Variants in NEBL observed in about 807,000 individuals in gnomAD.
The protein encoded by NEBL is LIM and SH3 protein 2.
Under a neutral mutation model 140.2 loss-of-function variants are expected in NEBL, and 122 were observed. The ratio of observed to expected loss-of-function variants is 0.87; its 90% CI spans 0.75 to 1.01. NEBL has a LOEUF of 1.01. NEBL is among the 50% of genes least tolerant of loss of function. NEBL has a pLI of 0.00. For missense variants in NEBL, 1,365 were observed against 1,231.3 expected, an observed-to-expected ratio of 1.11 and a Z score of -1.62; for synonymous variants, 436 against 398.9, an observed-to-expected ratio of 1.09 and a Z score of -1.11.
intron 3 of NEBL, among the ~76,000 whole-genome samples, chr10:21,007,206 C>T (rs955723198): frequency 6.6e-6 from 1 of 152,088 alleles, no homozygotes; most frequent in African/African-American, 2.4e-5. Context: ...CTCCATTCAC[C>T]CTCTCTCCCC....
chr10:20,802,016 T>C lies in NEBL; in HGVS notation c.2761+6494A>G, dbSNP rs140651137. On this transcript the variant is annotated intron_variant, in intron 26 of 27. Coordinates refer to ENST00000377122, the MANE Select transcript of NEBL (RefSeq NM_006393.3). The stretch of plus-strand genomic sequence containing the variant: ...TTTTGAAAAGTGCATCTGTTTTTCA[T>C]TCCCCATCACACTCCCATATCCTTT... 7.3e-3 allele frequency among the ~76,000 whole-genome samples: 1,109 copies of C among 152,282 alleles called. 13 individuals are homozygous for C. The highest frequency in any genetic ancestry group is 0.025 in the African/African-American group (1,048 of 41,566).
At chr10:21,006,268 C>T (rs1838135477) in intron 3 of NEBL, among the ~76,000 whole-genome samples, 1 of 152,184 alleles carries the variant, frequency 6.6e-6, no homozygotes, top group African/African-American at 2.4e-5. Flanking sequence ...GCTTTCTATG[C>T]TGATAATTTT....
chr10:21,146,312 G>A (rs1221369390), intron 2 of NEBL: 9 of 1,587,420 alleles, frequency 5.7e-6, no homozygotes, highest in Admixed American at 1.7e-5. Context: ...CACCCATGCA[G>A]TATAAACCTG....
chr10:21,240,946 A>ACAC (rs61320302), intron 3 of NEBL, among the ~76,000 whole-genome samples: 2 of 150,362 alleles, frequency 1.3e-5, no homozygotes, highest in Non-Finnish European at 1.5e-5. Flanking sequence ...ACACACACAC[A>ACAC]AAACCAGTAT....
chr10:20,931,116 GAA>G lies in NEBL; in HGVS notation c.357+30554_357+30555del, dbSNP rs35544464. Among the ~76,000 whole-genome samples the G allele has an allele frequency of 6.7e-4, 101 of 150,530 alleles. 1 individual carries two copies. The highest frequency in any genetic ancestry group is 1.1e-3 in the Non-Finnish European group (76 of 67,576). On this transcript the variant is annotated intron_variant, in intron 4 of 6. Coordinates refer to the NEBL transcript ENST00000417816. ...TTTCTCAACCTTTCCTTTCCCATAA[GAA>G]AAAAAAAATAAACTCTCTAGCATTT...
chr10:20,999,151 G>A (rs1417624297), intron 3 of NEBL, among the ~76,000 whole-genome samples: 1 of 149,138 alleles, frequency 6.7e-6, no homozygotes, highest in Non-Finnish European at 1.5e-5. Context: ...AAACCCAGAG[G>A]TGTGTGGGGG....
intron 2 of NEBL, among the ~76,000 whole-genome samples, chr10:21,110,269 G>C (rs1304780523): frequency 6.6e-6 from 1 of 152,112 alleles, no homozygotes; most frequent in East Asian, 1.9e-4. Flanking sequence ...GAACTCACCA[G>C]TGAAGGCAAC....
intron 22 of NEBL, 131 bp downstream of exon 22, chr10:20,815,494 A>G (rs562178879): frequency 1.3e-6 from 1 of 749,804 alleles, no homozygotes; most frequent in South Asian, 1.5e-5. Context: ...CTGAAATAAC[A>G]CATGTACTTA....
chr10:21,244,891 A>G (rs948802267), intron 3 of NEBL, among the ~76,000 whole-genome samples: 2 of 151,744 alleles, frequency 1.3e-5, no homozygotes, highest in Non-Finnish European at 2.9e-5. Flanking sequence ...GTGCAATAGC[A>G]CATGCCTGTA....
At chr10:21,218,577 TGAG>T (rs1842029546) in intron 3 of NEBL, among the ~76,000 whole-genome samples, 1 of 152,208 alleles carries the variant, frequency 6.6e-6, no homozygotes, top group African/African-American at 2.4e-5. Flanking sequence ...GCAGGAGTGT[TGAG>T]GAGGAAAAAC....
chr10:20,930,975 C>T (rs1056238781), intron 4 of NEBL, among the ~76,000 whole-genome samples: 3 of 152,136 alleles, frequency 2.0e-5, no homozygotes, highest in Non-Finnish European at 4.4e-5. Flanking sequence ...GAAACAAACG[C>T]CTGTACCTTT....
At chr10:21,260,914 C>T (rs1455965708) in intron 1 of NEBL, among the ~76,000 whole-genome samples, 3 of 152,158 alleles carry the variant, frequency 2.0e-5, no homozygotes, top group South Asian at 2.1e-4. Flanking sequence ...GAGTCACAGG[C>T]GCTCTCGATA....
chr10:21,064,351 T>C (rs2131887277), intron 2 of NEBL, among the ~76,000 whole-genome samples: 1 of 152,344 alleles, frequency 6.6e-6, no homozygotes, highest in Admixed American at 6.5e-5. Flanking sequence ...TAAGCTTTGA[T>C]TTTTATCTAG....
In NEBL at chr10:20,868,765, C is replaced by T. The variant is rs766916973; in HGVS notation, c.583G>A (p.Ala195Thr). ...ATTCCTTGTCCTTTCTTGTATTCTG[C>T]CTAAAATGAATAAATAAGACAATGT... Reference protein sequence around the residue: ...ATQISKIISNAEYKKGQGIMN... With the variant: ...ATQISKIISNTEYKKGQGIMN... Residue 195 changes from alanine to threonine, a missense_variant and splice_region_variant, in exon 7 of 28, where the codon GCA (alanine) becomes ACA (threonine). Around this residue, in one of 2 missense-constraint regions of NEBL, gnomAD observed 1,323 missense variants for 1,154.8 expected, o/e 1.15. Transcript: ENST00000377122. The T allele has an allele frequency of 1.3e-6, 2 of 1,587,262 alleles. No homozygotes were observed. Among genetic ancestry groups the T allele is most frequent in the Non-Finnish European group, 1.7e-6 (2 of 1,156,166 alleles).
At chr10:21,051,830 T>C (rs371840761) in intron 2 of NEBL, among the ~76,000 whole-genome samples, 1 of 152,204 alleles carries the variant, frequency 6.6e-6, no homozygotes, top group East Asian at 1.9e-4. Context: ...ATTCAATGTA[T>C]ACAACTCAAT....
intron 2 of NEBL, among the ~76,000 whole-genome samples, chr10:21,078,547 C>A (rs773584913): frequency 1.3e-5 from 2 of 152,176 alleles, no homozygotes; most frequent in African/African-American, 2.4e-5. Context: ...TCTTGAATCC[C>A]AACACACACA....
chr10:21,063,149 A>G (rs1835376321), intron 2 of NEBL, among the ~76,000 whole-genome samples: 1 of 152,136 alleles, frequency 6.6e-6, no homozygotes, highest in Non-Finnish European at 1.5e-5. Flanking sequence ...GAAAACACAC[A>G]CAGCAAGACC....
At chr10:20,794,930 C>T (rs528925531) in intron 26 of NEBL, among the ~76,000 whole-genome samples, 7 of 152,168 alleles carry the variant, frequency 4.6e-5, no homozygotes, top group Non-Finnish European at 8.8e-5. Context: ...CTTCTTTTCA[C>T]CAACAAAGGA....
At chr10:21,244,241 CT>C (rs1842485777) in intron 3 of NEBL, among the ~76,000 whole-genome samples, 1 of 151,960 alleles carries the variant, frequency 6.6e-6, no homozygotes, top group South Asian at 2.1e-4. Context: ...TCTTGGCTCA[CT>C]GCAACCTCTG....
Sources: gnomAD v4.1 joint callset for allele counts (sites outside exome capture counted in the v4.1 genomes callset) on GRCh38, gnomAD v4.1.1 for gene constraint, gnomAD v4.1.1 regional missense constraint, MANE v1.5 for transcripts, NCBI Gene and HGNC (gene_info 2026-07-23, HGNC 2026-07-21) for gene names.